Variants in PKNOX1 observed in about 807,000 individuals in gnomAD.
The protein encoded by PKNOX1 is homeobox protein PKNOX1.
In PKNOX1, 15 loss-of-function variants were observed where a neutral mutation model predicts 51.9. The ratio of observed to expected loss-of-function variants is 0.29; its 90% confidence interval spans 0.19 to 0.45. PKNOX1 has a LOEUF of 0.45. Ranked by LOEUF, PKNOX1 falls within the 20% of genes least tolerant of loss-of-function variation. PKNOX1 has a pLI of 1.00. For synonymous variants in PKNOX1, 219 were observed against 211.1 expected (o/e 1.04, Z -0.32); for missense variants, 462 against 547.5 (o/e 0.84, Z 1.56).
intron 3 of PKNOX1, among the ~76,000 whole-genome samples, chr21:43,008,097 A>ACACACACACAC (rs1568897484): frequency 6.6e-6 from 1 of 151,392 alleles, no homozygotes; most frequent in African/African-American, 2.4e-5. Flanking sequence ...ACACACACAC[A>ACACACACACAC]AAGATGTTAT....
At position 43,007,515 on chromosome 21, in the gene PKNOX1, A is replaced by G. The variant is rs776731790; in HGVS notation, c.76A>G (p.Thr26Ala). ...GATGCAAGTAGTAACAGAGTTAAAG[A>G]CAGAACAAGATCCAAACTGCTCTGA... ...QQMQVVTELK[T>A]EQDPNCSEPD... is the part of the protein sequence containing the mutation. The change falls in exon 3 of 11, where the codon ACA (threonine) becomes GCA (alanine). Residue 26 changes from threonine (T) to alanine (A), a missense_variant. Transcript: ENST00000291547. 4.3e-6 allele frequency: 7 copies of G among 1,613,852 alleles called. No homozygotes were observed. The African/African-American group carries it at 9.3e-5, about 22-fold the overall frequency.
rs1181773976 is a variant in PKNOX1, at chr21:43,033,719, C to CA, written c.*3619dup. On this transcript the variant is annotated 3_prime_UTR_variant, in exon 11 of 11. Transcript: ENST00000291547. ...CCTGCATATTGAGAAACTAGGACCACACTGCATCGGACTAGTCAGGTCCAT... is the reference window on the plus strand; with the variant it reads ...CCTGCATATTGAGAAACTAGGACCACAACTGCATCGGACTAGTCAGGTCCAT... 1 of 152,202 alleles carries CA rather than the reference C, an allele frequency of 6.6e-6. No homozygotes were observed. Among genetic ancestry groups the CA allele is most frequent in the Non-Finnish European group, 1.5e-5 (1 of 68,038 alleles). The allele number at this position is 152,202 out of a possible 1,614,324, so 9.4% of individuals were successfully genotyped here.
chr21:43,016,468 AC>A (rs1979492444), intron 5 of PKNOX1, among the ~76,000 whole-genome samples: 2 of 152,222 alleles, frequency 1.3e-5, no homozygotes, highest in South Asian at 4.1e-4. Context: ...AGCCCTGGTC[AC>A]TTCTAGTGCC....
At chr21:42,994,031 C>CTT (rs34173115) in intron 1 of PKNOX1, among the ~76,000 whole-genome samples, 10 of 93,260 alleles carry the variant, frequency 1.1e-4, no homozygotes, top group African/African-American at 3.5e-4. Context: ...CGCGCCCAGC[C>CTT]TTTTTTTTTT....
rs1182576551 is a variant in PKNOX1 at position 43,033,887 on chromosome 21, A to G, written c.*3786A>G. 1 of 152,260 alleles carries G rather than the reference A, an allele frequency of 6.6e-6. No homozygotes were observed. Among genetic ancestry groups the G allele is most frequent in the Non-Finnish European group, 1.5e-5 (1 of 68,040 alleles). The allele number at this position is 152,260 out of a possible 1,614,324, so 9.4% of individuals were successfully genotyped here. ...TTATTTTGATAGTTACAAGAAGATA[A>G]TGATTCATCAGTAAGCTAACATAAT... On this transcript the variant is annotated 3_prime_UTR_variant, in exon 11 of 11. Coordinates refer to ENST00000291547, the MANE Select transcript of PKNOX1 (RefSeq NM_004571.5).
chr21:43,022,377 G>C (rs987954233), intron 8 of PKNOX1, among the ~76,000 whole-genome samples: 5 of 152,212 alleles, frequency 3.3e-5, no homozygotes, highest in Non-Finnish European at 7.3e-5. Flanking sequence ...GCCATTTCGC[G>C]GCCCACTTTC....
chr21:42,989,506 T>G (rs2059074639), intron 1 of PKNOX1, among the ~76,000 whole-genome samples: 1 of 152,164 alleles, frequency 6.6e-6, no homozygotes, highest in Non-Finnish European at 1.5e-5. Flanking sequence ...GACCTCCACC[T>G]CCAGGGTTCA....
intron 1 of PKNOX1, among the ~76,000 whole-genome samples, chr21:43,002,510 T>G (rs1481923518): frequency 1.3e-5 from 2 of 151,066 alleles, no homozygotes; most frequent in Admixed American, 6.6e-5. Flanking sequence ...ATGACGCTGT[T>G]GAGGGTGAGT....
At chr21:42,996,670 T>C (rs1238495612) in intron 1 of PKNOX1, among the ~76,000 whole-genome samples, 1 of 152,184 alleles carries the variant, frequency 6.6e-6, no homozygotes, top group Non-Finnish European at 1.5e-5. Context: ...TATTTGGAAC[T>C]CTTTGGAAGC....
intron 1 of PKNOX1, among the ~76,000 whole-genome samples, chr21:42,980,243 G>A (rs1409003195): frequency 6.6e-6 from 1 of 152,076 alleles, no homozygotes; most frequent in East Asian, 1.9e-4. Context: ...TGTGGTGGCA[G>A]GAGCCTGTAT....
intron 9 of PKNOX1, among the ~76,000 whole-genome samples, chr21:43,026,382 A>C (rs776739983): frequency 1.3e-5 from 2 of 152,186 alleles, no homozygotes; most frequent in Non-Finnish European, 2.9e-5. Context: ...GTATTTACAA[A>C]CATTACATCT....
At chr21:42,975,282 C>G (rs1247154816) in intron 1 of PKNOX1, among the ~76,000 whole-genome samples, 2 of 129,974 alleles carry the variant, frequency 1.5e-5, no homozygotes, top group Non-Finnish European at 3.3e-5. Flanking sequence ...GCGGGTGGGT[C>G]GGGGTCCTGG....
At chr21:42,984,341 C>T (rs745851583) in intron 1 of PKNOX1, among the ~76,000 whole-genome samples, 4 of 151,972 alleles carry the variant, frequency 2.6e-5, no homozygotes, top group Non-Finnish European at 2.9e-5. Flanking sequence ...ACACATTTCT[C>T]GTTTTAAAAA....
chr21:43,031,578 A>G lies in PKNOX1; in HGVS notation c.*1477A>G, dbSNP rs1178517506. 1 of 152,262 alleles carries G rather than the reference A, an allele frequency of 6.6e-6. No individual in the cohort carries two copies. Among genetic ancestry groups the G allele is most frequent in the African/African-American group, 2.4e-5 (1 of 41,468 alleles). The allele number at this position is 152,262 out of a possible 1,614,324, so 9.4% of individuals were successfully genotyped here. A position where few individuals can be genotyped will look rare whatever the true frequency, so the allele number is the denominator to read the frequency against. ...GGTGCTTTTTCTCAGAAAACAGGCC[A>G]CGGTGTTTCATACAGAATGTCTTCA... On this transcript the variant is annotated 3_prime_UTR_variant, in exon 11 of 11. Transcript: ENST00000291547.
intron 9 of PKNOX1, among the ~76,000 whole-genome samples, chr21:43,026,729 C>T (rs2146295149): frequency 6.6e-6 from 1 of 152,196 alleles, no homozygotes; most frequent in African/African-American, 2.4e-5. Flanking sequence ...TGCACTCCAG[C>T]CTGGGCGACA....
chr21:43,018,130 G>A lies in PKNOX1; in HGVS notation c.623-3G>A, dbSNP rs369340262. On this transcript the variant is annotated splice_polypyrimidine_tract_variant and splice_region_variant and intron_variant, in intron 6 of 10. Transcript: ENST00000291547. Reference sequence around the variant, plus strand: ...GCCTCATATTTTTATTCTCCCTTTCGAGGTGGCACAGTGTATCAGCCTGTC... The same window carrying A: ...GCCTCATATTTTTATTCTCCCTTTCAAGGTGGCACAGTGTATCAGCCTGTC... 13 of 1,567,826 alleles carry A rather than the reference G, an allele frequency of 8.3e-6. No homozygotes were observed. The highest frequency in any genetic ancestry group is 2.7e-5 in the African/African-American group (2 of 72,728).
At chr21:42,974,967 GCGC>G (rs545099458) in intron 1 of PKNOX1, among the ~76,000 whole-genome samples, 2 of 141,784 alleles carry the variant, frequency 1.4e-5, no homozygotes, top group East Asian at 2.1e-4. Context: ...TTTCTGGAAG[GCGC>G]CGCCGCCGCC....
At chr21:43,003,356 A>T (rs1978846343) in intron 1 of PKNOX1, among the ~76,000 whole-genome samples, 1 of 152,180 alleles carries the variant, frequency 6.6e-6, no homozygotes, top group Non-Finnish European at 1.5e-5. Context: ...TCAGTGCGGA[A>T]GTGGCATTTT....
At position 42,974,943 on chromosome 21, in the gene PKNOX1, G is replaced by A. The variant is rs1442252284; in HGVS notation, c.-57+279G>A. 5.5e-5 allele frequency among the ~76,000 whole-genome samples: 8 copies of A among 144,538 alleles called. No individual in the cohort carries two copies. The East Asian group carries it at 1.2e-3, about 23-fold the overall frequency. The allele number at this position is 144,538 out of a possible 152,430, so 94.8% of individuals were successfully genotyped here. A position where few individuals can be genotyped will look rare whatever the true frequency, so the allele number is the denominator to read the frequency against. On this transcript the variant is annotated intron_variant, in intron 1 of 10. Coordinates refer to ENST00000291547, the MANE Select transcript of PKNOX1 (RefSeq NM_004571.5). The stretch of plus-strand genomic sequence containing the variant: ...CCCAGTTGGTTTCTTAGTGTGGGTT[G>A]AGGGACGCGGAAATTTCTGGAAGGC...
Sources: gnomAD v4.1 joint callset for allele counts (sites outside exome capture counted in the v4.1 genomes callset) on GRCh38, gnomAD v4.1.1 for gene constraint, MANE v1.5 for transcripts, NCBI Gene and HGNC (gene_info 2026-07-23, HGNC 2026-07-21) for gene names.